COL25A1: variants seen among roughly 807,000 people sequenced by gnomAD.
COL25A1 encodes collagen type XXV alpha 1 chain.
In COL25A1, 103 loss-of-function variants were observed where a neutral mutation model predicts 128.4. The observed-to-expected ratio is 0.80, with a 90% CI of 0.68 to 0.94. The LOEUF is 0.94. Ranked by LOEUF, COL25A1 falls within the 40% of genes least tolerant of loss-of-function variation. COL25A1 has a pLI of 0.00. For missense variants in COL25A1, 745 were observed against 840.0 expected, an observed-to-expected ratio of 0.89 and a Z score of 1.40; for synonymous variants, 279 against 277.2, an observed-to-expected ratio of 1.01 and a Z score of -0.06.
chr4:108,896,367 C>T (rs575152397), intron 16 of COL25A1, among the ~76,000 whole-genome samples: 34 of 152,252 alleles, frequency 2.2e-4, no homozygotes, highest in Non-Finnish European at 4.4e-4. Flanking sequence ...GTCCCATTTA[C>T]ACATGAATAA....
intron 3 of COL25A1, among the ~76,000 whole-genome samples, chr4:109,142,604 G>C (rs1450713554): frequency 6.6e-6 from 1 of 151,128 alleles, no homozygotes; most frequent in Non-Finnish European, 1.5e-5. Flanking sequence ...TCCCGTATTG[G>C]GTGCATATAT....
intron 11 of COL25A1, among the ~76,000 whole-genome samples, chr4:108,933,589 C>T (rs1248418737): frequency 6.6e-6 from 1 of 152,046 alleles, no homozygotes; most frequent in Non-Finnish European, 1.5e-5. Context: ...TTTCTTAGAG[C>T]AGCCTTTCTG....
chr4:108,824,285 T>C, intron 34 of COL25A1, 58 bp from the exon 35 acceptor site: 10 of 1,155,422 alleles, frequency 8.7e-6, no homozygotes, highest in Non-Finnish European at 1.3e-5. Context: ...CAAAATCATA[T>C]AGAAACAAAT....
intron 5 of COL25A1, among the ~76,000 whole-genome samples, chr4:109,021,305 A>G (rs892504854): frequency 3.9e-5 from 6 of 152,200 alleles, no homozygotes; most frequent in Non-Finnish European, 8.8e-5. Context: ...TAGAACTTTC[A>G]CTGTTGCGGG....
intron 6 of COL25A1, among the ~76,000 whole-genome samples, chr4:109,003,934 T>C (rs1755717305): frequency 6.6e-6 from 1 of 152,240 alleles, no homozygotes; most frequent in South Asian, 2.1e-4. Flanking sequence ...TTATTTACTT[T>C]ATTCCCTTTC....
At chr4:108,933,326 T>C in intron 11 of COL25A1, among the ~76,000 whole-genome samples, 1 of 152,168 alleles carries the variant, frequency 6.6e-6, no homozygotes, top group East Asian at 1.9e-4. Context: ...CCAACAAATG[T>C]AGTGGGGTTT....
chr4:108,831,196 T>C (rs138836712), intron 32 of COL25A1, among the ~76,000 whole-genome samples: 1,578 of 151,746 alleles, frequency 0.01, 15 homozygotes, highest in Middle Eastern at 0.024. Flanking sequence ...TATTAATAAA[T>C]ATTAATAAAA....
intron 3 of COL25A1, among the ~76,000 whole-genome samples, chr4:109,233,362 T>C (rs1022309294): frequency 9.9e-5 from 15 of 152,180 alleles, no homozygotes; most frequent in Admixed American, 9.8e-4. Flanking sequence ...TGGTTTTCTT[T>C]CCATAGTAGT....
chr4:109,196,303 G>A (rs1035984107), intron 3 of COL25A1, among the ~76,000 whole-genome samples: 4 of 151,962 alleles, frequency 2.6e-5, no homozygotes, highest in East Asian at 1.9e-4. Context: ...TTAAAGTTTG[G>A]TATCTAAACA....
chr4:109,279,928 TA>T (rs1205313350), intron 3 of COL25A1, among the ~76,000 whole-genome samples: 1 of 152,112 alleles, frequency 6.6e-6, no homozygotes, highest in Non-Finnish European at 1.5e-5. Context: ...TCTGCTCTAA[TA>T]AAGAATTCTC....
At chr4:109,301,344 T>C (rs1725506571) in intron 2 of COL25A1, among the ~76,000 whole-genome samples, 1 of 152,234 alleles carries the variant, frequency 6.6e-6, no homozygotes, top group South Asian at 2.1e-4. Context: ...TCTATGACCC[T>C]AACCATCTTA....
At chr4:109,226,158 A>G (rs915337401) in intron 3 of COL25A1, among the ~76,000 whole-genome samples, 24 of 152,152 alleles carry the variant, frequency 1.6e-4, no homozygotes, top group Non-Finnish European at 3.2e-4. Flanking sequence ...TTTTTCACTT[A>G]TAAGTGGGAG....
rs112126694 is a variant in COL25A1 at position 109,089,778 on chromosome 4, A to G, written c.368-39599T>C. On this transcript the variant is annotated intron_variant, in intron 3 of 37. Transcript: ENST00000399132. ...GCAACAACATGCCTGGCTAATTTTT[A>G]TATTTGTAGTTGAGATGGGGTTTTG... Among the ~76,000 whole-genome samples, 735 of 152,068 alleles carry G rather than the reference A, an allele frequency of 4.8e-3. 6 individuals carry two copies. The highest frequency in any genetic ancestry group is 0.017 in the African/African-American group (694 of 41,474).
chr4:109,062,153 C>T (rs374083785), intron 3 of COL25A1, among the ~76,000 whole-genome samples: 10 of 152,170 alleles, frequency 6.6e-5, no homozygotes, highest in African/African-American at 1.7e-4. Context: ...GAAGTTTGGA[C>T]GAGTGTCAGA....
Position 108,813,754 on chromosome 4 carries a change from C to A in COL25A1, c.*173G>T, listed in dbSNP as rs1457161183. The A allele has an allele frequency of 9.0e-6, 5 of 552,924 alleles. No individual in the cohort carries two copies. In the Admixed American group the frequency reaches 1.1e-4, roughly 12 times the overall value. 34.3% of individuals were successfully genotyped at this position (552,924 alleles called of 1,614,324 possible). Reference sequence around the variant, plus strand: ...GATTCTCACTGGTTTCACAAATTGCCCAATTTCAGATGTAAGTGGAGTAAA... The same window carrying A: ...GATTCTCACTGGTTTCACAAATTGCACAATTTCAGATGTAAGTGGAGTAAA... On this transcript the variant is annotated 3_prime_UTR_variant, in exon 38 of 38. Transcript: ENST00000399132.
At position 108,808,832 on chromosome 4, in the gene COL25A1, T is replaced by C. The variant is rs1440603125; in HGVS notation, c.*5095A>G. The C allele has an allele frequency of 6.6e-6, 1 of 152,190 alleles. No homozygotes were observed. The highest frequency in any genetic ancestry group is 1.5e-5 in the Non-Finnish European group (1 of 68,016). The allele number at this position is 152,190 out of a possible 1,614,324, so 9.4% of individuals were successfully genotyped here. ...TTACATTATGAAAATAAGTCATAAA[T>C]AGTGTAAAAATAATTCTGAAGATCA... On this transcript the variant is annotated 3_prime_UTR_variant, in exon 38 of 38. Transcript: ENST00000399132.
At chr4:108,862,440 G>C in intron 22 of COL25A1, 61 bp downstream of exon 22, 1 of 1,302,852 alleles carries the variant, frequency 7.7e-7, no homozygotes, top group East Asian at 2.3e-5. Context: ...CTGTGGCAAA[G>C]GCAAAAAGCA....
At chr4:109,078,955 A>G (rs1260401821) in intron 3 of COL25A1, among the ~76,000 whole-genome samples, 2 of 152,174 alleles carry the variant, frequency 1.3e-5, no homozygotes, top group African/African-American at 2.4e-5. Context: ...TGCTTACTAC[A>G]TGGAATGCCA....
intron 5 of COL25A1, among the ~76,000 whole-genome samples, chr4:109,042,185 C>T (rs376574533): frequency 6.6e-6 from 1 of 152,054 alleles, no homozygotes; most frequent in African/African-American, 2.4e-5. Flanking sequence ...TCTACAGAAA[C>T]TATAGCAGAG....
Sources: allele counts gnomAD v4.1 joint callset (sites outside exome capture counted in the v4.1 genomes callset), GRCh38; gene constraint gnomAD v4.1.1; transcripts MANE v1.5; gene names NCBI Gene and HGNC (gene_info 2026-07-23, HGNC 2026-07-21).